SLC30A7: variants seen among roughly 807,000 people sequenced by gnomAD.
SLC30A7 encodes zinc transporter 7.
SLC30A7 carries 35 observed loss-of-function variants against 46.0 expected under a neutral mutation model. The ratio of observed to expected loss-of-function variants is 0.76; its 90% CI spans 0.58 to 1.01. SLC30A7 has a LOEUF of 1.01. Ranked by LOEUF, SLC30A7 falls within the 50% of genes least tolerant of loss-of-function variation. The pLI, the probability that SLC30A7 is intolerant of heterozygous loss-of-function variation, is 0.00. For synonymous variants in SLC30A7, 147 were observed against 157.8 expected (o/e 0.93, Z 0.51); for missense variants, 464 against 451.1 (o/e 1.03, Z -0.26).
At chr1:100,974,232 T>C (rs956763997) in intron 10 of SLC30A7, among the ~76,000 whole-genome samples, 6 of 152,184 alleles carry the variant, frequency 3.9e-5, no homozygotes, top group Non-Finnish European at 7.4e-5. Context: ...TAATTTCTCA[T>C]GAGGTTTTTT....
At chr1:100,960,103 G>T (rs1655456137) in intron 8 of SLC30A7, among the ~76,000 whole-genome samples, 1 of 152,144 alleles carries the variant, frequency 6.6e-6, no homozygotes, top group African/African-American at 2.4e-5. Context: ...ACTTGAATGT[G>T]ACTGAAACTC....
chr1:100,900,331 A>G (rs1455620875), intron 2 of SLC30A7, among the ~76,000 whole-genome samples: 7 of 152,228 alleles, frequency 4.6e-5, no homozygotes, highest in African/African-American at 1.4e-4. Flanking sequence ...AACAAAGTAA[A>G]TATTTGTTGA....
At chr1:100,936,097 A>C (rs1016018701) in intron 8 of SLC30A7, among the ~76,000 whole-genome samples, 1 of 148,540 alleles carries the variant, frequency 6.7e-6, no homozygotes, top group African/African-American at 2.5e-5. Flanking sequence ...TTTTTTTTCT[A>C]CTCCAGTGAT....
chr1:100,957,715 T>TA (rs1476123313), intron 8 of SLC30A7, among the ~76,000 whole-genome samples: 1 of 151,444 alleles, frequency 6.6e-6, no homozygotes, highest in Non-Finnish European at 1.5e-5. Context: ...TAACTAAACT[T>TA]ACGAGGTAGG....
chr1:100,951,904 G>A (rs1654975462), intron 8 of SLC30A7, among the ~76,000 whole-genome samples: 2 of 152,162 alleles, frequency 1.3e-5, no homozygotes, highest in African/African-American at 4.8e-5. Flanking sequence ...TTTGAGATGG[G>A]AGATTATTCT....
chr1:100,966,018 G>T, intron 10 of SLC30A7, 100 bp downstream of exon 10: 1 of 1,073,878 alleles, frequency 9.3e-7, no homozygotes, highest in East Asian at 2.5e-5. Flanking sequence ...ATGGCTTGAG[G>T]CTAGGATTTC....
At chr1:100,932,288 A>G (rs56205765) in intron 8 of SLC30A7, among the ~76,000 whole-genome samples, 1,818 of 152,116 alleles carry the variant, frequency 0.012, 36 homozygotes, top group African/African-American at 0.042. Context: ...GGTGGCACAC[A>G]TCTGTAATCC....
intron 1 of SLC30A7, 43 bp downstream of exon 1, chr1:100,896,385 A>C (rs1361978960): frequency 1.2e-6 from 2 of 1,603,224 alleles, no homozygotes; most frequent in African/African-American, 1.3e-5. Flanking sequence ...TCCGGCAGAA[A>C]GGGAGAAGGC....
chr1:100,939,563 G>A (rs1481715608), intron 8 of SLC30A7, among the ~76,000 whole-genome samples: 2 of 151,930 alleles, frequency 1.3e-5, no homozygotes, highest in South Asian at 2.1e-4. Context: ...CTGGCCGGGC[G>A]CGGTGGCTCT....
chr1:100,922,015 A>G (rs1298580601), intron 8 of SLC30A7, among the ~76,000 whole-genome samples, 174 bp downstream of exon 8: 1 of 136,484 alleles, frequency 7.3e-6, no homozygotes, highest in Non-Finnish European at 1.5e-5. Flanking sequence ...GTGCTGTGGC[A>G]CTGTCTCGGC....
chr1:100,904,714 C>G (rs1651537613), intron 2 of SLC30A7, among the ~76,000 whole-genome samples: 2 of 152,156 alleles, frequency 1.3e-5, no homozygotes, highest in Admixed American at 1.3e-4. Flanking sequence ...GGTGCCTGTG[C>G]CACAGAAGCT....
chr1:100,958,269 C>G (rs571414477), intron 8 of SLC30A7, among the ~76,000 whole-genome samples: 1 of 152,062 alleles, frequency 6.6e-6, no homozygotes, highest in Non-Finnish European at 1.5e-5. Context: ...CTCCACCTCC[C>G]GGGTTCACGC....
At chr1:100,992,383 T>C in the SLC30A7 span, among the ~76,000 whole-genome samples, 1 of 152,198 alleles carries the variant, frequency 6.6e-6, no homozygotes, top group African/African-American at 2.4e-5. Context: ...ATGTGACTTA[T>C]GTTTAATTTG....
chr1:100,922,271 C>A (rs1484711410), intron 8 of SLC30A7, among the ~76,000 whole-genome samples: 1 of 151,938 alleles, frequency 6.6e-6, no homozygotes, highest in Non-Finnish European at 1.5e-5. Flanking sequence ...CGGCCAGATA[C>A]CCTTTTCATT....
At chr1:100,970,455 T>G (rs1172524054) in intron 10 of SLC30A7, among the ~76,000 whole-genome samples, 1 of 152,074 alleles carries the variant, frequency 6.6e-6, no homozygotes, top group East Asian at 1.9e-4. Context: ...AGAAGTTGGC[T>G]TGCTGTACGT....
chr1:100,964,333 A>G lies in SLC30A7; in HGVS notation c.934-1436A>G, dbSNP rs185230219. Among the ~76,000 whole-genome samples, 367 of 141,228 alleles carry G rather than the reference A, an allele frequency of 2.6e-3. 4 individuals are homozygous for G. Among genetic ancestry groups the G allele is most frequent in the African/African-American group, 0.01 (356 of 34,872 alleles). 92.7% of individuals were successfully genotyped at this position (141,228 alleles called of 152,430 possible). On this transcript the variant is annotated intron_variant, in intron 9 of 10. Coordinates refer to ENST00000357650, the MANE Select transcript of SLC30A7 (RefSeq NM_133496.5). Reference sequence around the variant, plus strand: ...CTATATATGTTATATACATGTATGTATATATGTTATATATACATATACATA... The same window carrying G: ...CTATATATGTTATATACATGTATGTGTATATGTTATATATACATATACATA...
At chr1:100,915,331 A>G (rs1257338801) in intron 6 of SLC30A7, among the ~76,000 whole-genome samples, 2 of 151,482 alleles carry the variant, frequency 1.3e-5, no homozygotes, top group South Asian at 2.1e-4. Flanking sequence ...ATTTTTAAGT[A>G]TACAATACAG....
the SLC30A7 span, among the ~76,000 whole-genome samples, chr1:100,988,680 T>TAC: frequency 1.1e-3 from 170 of 150,910 alleles, 1 homozygote; most frequent in Non-Finnish European, 1.8e-3. Context: ...ACCCCATCTC[T>TAC]ACACACACAC....
At chr1:100,915,970 AG>A (rs1447204423) in intron 6 of SLC30A7, among the ~76,000 whole-genome samples, 1 of 152,046 alleles carries the variant, frequency 6.6e-6, no homozygotes, top group Non-Finnish European at 1.5e-5. Flanking sequence ...ACATCCTAAC[AG>A]GTATGATATG....
Sources: allele counts gnomAD v4.1 joint callset (sites outside exome capture counted in the v4.1 genomes callset), GRCh38; gene constraint gnomAD v4.1.1; transcripts MANE v1.5; gene names NCBI Gene and HGNC (gene_info 2026-07-23, HGNC 2026-07-21).